The following EAF2 variants were observed in gnomAD, a reference collection of about 807,000 sequenced individuals.
The protein encoded by EAF2 is ELL-associated factor 2.
A neutral mutation model predicts 29.4 loss-of-function variants in EAF2; 29 were observed. The ratio of observed to expected loss-of-function variants is 0.99; its 90% CI spans 0.73 to 1.35. The LOEUF is 1.35. Among genes scored for constraint, EAF2 ranks in the 40% most tolerant of loss-of-function variants. EAF2 has a pLI of 0.00. For missense variants in EAF2, 292 were observed against 312.0 expected, an observed-to-expected ratio of 0.94 and a Z score of 0.48; for synonymous variants, 103 against 102.5, an observed-to-expected ratio of 1.00 and a Z score of -0.03.
At chr3:121,839,476 G>A (rs1559815448) in intron 1 of EAF2, among the ~76,000 whole-genome samples, 1 of 152,064 alleles carries the variant, frequency 6.6e-6, no homozygotes, top group Non-Finnish European at 1.5e-5. Flanking sequence ...AGAAGTCAGA[G>A]GGCCATAGTT....
intron 2 of EAF2, among the ~76,000 whole-genome samples, chr3:121,849,960 C>G (rs1352081176): frequency 6.7e-6 from 1 of 149,558 alleles, no homozygotes; most frequent in Non-Finnish European, 1.5e-5. Flanking sequence ...ATATATCAAC[C>G]TTTTTTTCTT....
intron 1 of EAF2, chr3:121,837,752 T>C (rs1329470098): frequency 1.3e-5 from 2 of 152,160 alleles, no homozygotes; most frequent in Admixed American, 1.3e-4. Flanking sequence ...TTATCAGAGT[T>C]TAGCAATAAA....
chr3:121,886,188 G>C (rs1423266417), intron 5 of EAF2, among the ~76,000 whole-genome samples, 154 bp from the exon 6 acceptor site: 1 of 152,072 alleles, frequency 6.6e-6, no homozygotes, highest in Non-Finnish European at 1.5e-5. Flanking sequence ...AGTATTATTT[G>C]AGTTACTAAT....
intron 2 of EAF2, among the ~76,000 whole-genome samples, chr3:121,851,084 T>C (rs1021637746): frequency 6.6e-6 from 1 of 152,236 alleles, no homozygotes; most frequent in Non-Finnish European, 1.5e-5. Context: ...ATTTATATTT[T>C]CTCTTCATTC....
intron 2 of EAF2, among the ~76,000 whole-genome samples, chr3:121,848,241 G>T (rs1417144236): frequency 6.6e-6 from 1 of 152,140 alleles, no homozygotes; most frequent in African/African-American, 2.4e-5. Flanking sequence ...CAGCAGAGGG[G>T]CAGAAGGAAG....
chr3:121,865,935 GC>G (rs771214019), intron 4 of EAF2, among the ~76,000 whole-genome samples: 4 of 152,074 alleles, frequency 2.6e-5, no homozygotes, highest in Non-Finnish European at 4.4e-5. Flanking sequence ...TCCCAGACCT[GC>G]CCCCCTGCCC....
chr3:121,854,984 A>G (rs1186807238), intron 3 of EAF2, among the ~76,000 whole-genome samples, 161 bp downstream of exon 3: 1 of 152,168 alleles, frequency 6.6e-6, no homozygotes, highest in Non-Finnish European at 1.5e-5. Context: ...GATCCTAAGC[A>G]AAAAGCGTTT....
At chr3:121,863,288 C>A (rs1708865367) in intron 4 of EAF2, among the ~76,000 whole-genome samples, 1 of 152,194 alleles carries the variant, frequency 6.6e-6, no homozygotes, top group Admixed American at 6.5e-5. Context: ...GCCCTGCCCC[C>A]AGAGGTGGAG....
In EAF2 at chr3:121,835,341, T is replaced by G. The variant is rs1212175036; in HGVS notation, c.56T>G (p.Leu19Ter). ...HLDRRERVLK[L>*]GESFEKQPRC... ...GACCGTCGCGAGCGGGTTCTCAAGT[T>G]AGGGGAGAGTTTCGAGAAGCAGCCG... The change falls in exon 1 of 6, where the codon TTA (leucine) becomes TGA (stop). Residue 19 changes from leucine to a stop codon, truncating the protein, a stop_gained. Transcript: ENST00000273668. LOFTEE classifies it high-confidence loss of function. 1 of 1,614,048 alleles carries G rather than the reference T, an allele frequency of 6.2e-7. No individual in the cohort carries two copies. Among genetic ancestry groups the G allele is most frequent in the South Asian group, 1.1e-5 (1 of 91,074 alleles).
At chr3:121,879,827 C>G (rs1709162551) in intron 5 of EAF2, among the ~76,000 whole-genome samples, 1 of 151,788 alleles carries the variant, frequency 6.6e-6, no homozygotes, top group Non-Finnish European at 1.5e-5. Context: ...TGTGGTGCCT[C>G]CAGCTATGTT....
At chr3:121,870,442 A>G (rs905327094) in intron 4 of EAF2, among the ~76,000 whole-genome samples, 2 of 152,174 alleles carry the variant, frequency 1.3e-5, no homozygotes, top group Admixed American at 6.5e-5. Flanking sequence ...AATGAATTTC[A>G]GAAATAAGTG....
chr3:121,835,412 G>A (rs1271861086), intron 1 of EAF2, 21 bp downstream of exon 1: 1 of 1,607,874 alleles, frequency 6.2e-7, no homozygotes, highest in Admixed American at 1.7e-5. Context: ...ACCATCCGGG[G>A]ATAGAGGGGG....
At chr3:121,854,844 AATTAT>A in intron 3 of EAF2, 21 bp downstream of exon 3, 1 of 1,521,272 alleles carries the variant, frequency 6.6e-7, no homozygotes, top group Admixed American at 2.5e-5. Flanking sequence ...TAATGAAATA[AATTAT>A]ATTATAAACA....
In EAF2 at chr3:121,850,242, TA is replaced by T. The variant is rs1708607245; in HGVS notation, c.202-4444del. 3.0e-5 allele frequency among the ~76,000 whole-genome samples: 4 copies of T among 133,682 alleles called. No individual in the cohort carries two copies. The Admixed American group carries it at 3.0e-4, about 10-fold the overall frequency. 87.7% of individuals were successfully genotyped at this position (133,682 alleles called of 152,430 possible). On this transcript the variant is annotated intron_variant, in intron 2 of 5. Transcript: ENST00000273668. ...ATTGATATACTTGATTTTTATCTTA[TA>T]GTTTATTAGTTTTTAAATATTTGTT...
Position 121,844,531 on chromosome 3 carries a change from C to G in EAF2, c.185C>G (p.Thr62Ser). 1 of 1,605,370 alleles carries G rather than the reference C, an allele frequency of 6.2e-7. No homozygotes were observed. Residue 62 changes from threonine to serine, a missense_variant, in exon 2 of 6, where the codon ACT becomes AGT. By Grantham distance (58) the Thr-to-Ser change is moderately conservative. Transcript: ENST00000273668. ...EVGEGEQVTI[T>S]LPNIEGSTPP... ...GGTGAAGGTGAACAGGTGACCATAA[C>G]TCTGCCAAATATAGAAGTGAGTATT...
intron 1 of EAF2, 65 bp downstream of exon 1, chr3:121,835,456 C>A (rs944444682): frequency 2.2e-5 from 32 of 1,452,144 alleles, no homozygotes; most frequent in Non-Finnish European, 2.8e-5. Flanking sequence ...AGGCACAAAC[C>A]CCTCTGGGTT....
chr3:121,836,272 C>T (rs1265210584), intron 1 of EAF2: 1 of 152,178 alleles, frequency 6.6e-6, no homozygotes, highest in African/African-American at 2.4e-5. Context: ...TATTTTTTCA[C>T]TTCCTTTCCC....
At chr3:121,875,343 T>C (rs1709078509) in intron 5 of EAF2, among the ~76,000 whole-genome samples, 3 of 151,998 alleles carry the variant, frequency 2.0e-5, no homozygotes, top group Admixed American at 2.0e-4. Context: ...ATAGGGTCTG[T>C]AGAACCTTGA....
chr3:121,880,458 GTGTGTGTGT>G (rs1559831391), intron 5 of EAF2, among the ~76,000 whole-genome samples: 386 of 18,518 alleles, frequency 0.021, 1 homozygote, highest in African/African-American at 0.035. Flanking sequence ...GTTTTGGGGT[GTGTGTGTGT>G]GTGTGTGTGT....
Sources: allele counts gnomAD v4.1 joint callset (sites outside exome capture counted in the v4.1 genomes callset), GRCh38; gene constraint gnomAD v4.1.1; transcripts MANE v1.5; gene names NCBI Gene and HGNC (gene_info 2026-07-23, HGNC 2026-07-21).